Variants in RGS3 observed in about 807,000 individuals in gnomAD.
RGS3 encodes the protein regulator of G-protein signalling 3.
Under a neutral mutation model 132.6 loss-of-function variants are expected in RGS3, and 80 were observed. The observed-to-expected ratio is 0.60, with a 90% CI of 0.50 to 0.73. The LOEUF (loss-of-function observed/expected upper bound fraction) is 0.73, where lower values mean the gene tolerates loss of function less well. Ranked by LOEUF, RGS3 falls within the 30% of genes least tolerant of loss-of-function variation. The probability of loss-of-function intolerance (pLI) is 0.00; values close to 1 mark genes in which losing one functional copy is unlikely to be tolerated. For synonymous variants in RGS3, 598 were observed against 620.6 expected (o/e 0.96, Z 0.54); for missense variants, 1,382 against 1,530.8 (o/e 0.90, Z 1.62).
chr9:113,477,439 G>A (rs531818318), intron 3 of RGS3, among the ~76,000 whole-genome samples: 1 of 152,326 alleles, frequency 6.6e-6, no homozygotes, highest in East Asian at 1.9e-4. Flanking sequence ...TGAGGGTCAA[G>A]TGATGTCTGG....
At chr9:113,578,115 T>C (rs939599954) in intron 19 of RGS3, among the ~76,000 whole-genome samples, 1 of 150,792 alleles carries the variant, frequency 6.6e-6, no homozygotes, top group Non-Finnish European at 1.5e-5. Flanking sequence ...GCCTGGGGAG[T>C]GGGTGGGTTC....
In RGS3 at chr9:113,523,708, G is replaced by A. The variant is rs79304198; in HGVS notation, c.1870+667G>A. 7.2e-5 allele frequency among the ~76,000 whole-genome samples: 11 copies of A among 152,286 alleles called. No homozygotes were observed. In the East Asian group the frequency reaches 7.7e-4, roughly 11 times the overall value. The stretch of plus-strand genomic sequence containing the variant: ...GTATCTGTCAGTGGTTTGGTTTGGC[G>A]CCTGAGGTCTCTGCTGAGAGGGGCT... On this transcript the variant is annotated intron_variant, in intron 17 of 24. Coordinates refer to ENST00000350696, the Ensembl canonical transcript of RGS3.
exon 20 of RGS3, chr9:113,584,220 G>A (rs755732596): frequency 9.3e-6 from 15 of 1,613,632 alleles, no homozygotes; most frequent in East Asian, 4.5e-5. Context: ...TGCAGAACTC[G>A]CTGCGGCGCC....
intron 19 of RGS3, among the ~76,000 whole-genome samples, chr9:113,576,722 G>C (rs374894927): frequency 2.0e-5 from 3 of 152,196 alleles, no homozygotes; most frequent in East Asian, 3.9e-4. Flanking sequence ...GGTCTTCCAG[G>C]GCTACAGAAT....
chr9:113,501,552 G>A (rs771225220), intron 10 of RGS3: 12 of 1,540,600 alleles, frequency 7.8e-6, no homozygotes, highest in Admixed American at 3.9e-5. Context: ...TTCATGGGGC[G>A]GCAGCCGAGG....
At chr9:113,592,730 T>A (rs1267335807) in intron 21 of RGS3, 1 of 152,114 alleles carries the variant, frequency 6.6e-6, no homozygotes, top group African/African-American at 2.4e-5. Flanking sequence ...TCAAGTGATC[T>A]TCCCGCCTCG....
intron 20 of RGS3, among the ~76,000 whole-genome samples, chr9:113,588,168 A>T (rs1006604503): frequency 6.6e-6 from 1 of 152,182 alleles, no homozygotes; most frequent in African/African-American, 2.4e-5. Flanking sequence ...TGGTCCACAG[A>T]GGGTGCCAGC....
chr9:113,479,429 G>T (rs1381426781), intron 3 of RGS3, 62 bp from the exon 2 acceptor site: 1 of 1,527,628 alleles, frequency 6.5e-7, no homozygotes, highest in Admixed American at 1.7e-5. Context: ...CTTTCCTCTA[G>T]TTTTTTCCAC....
chr9:113,467,757 G>A (rs549939059), intron 3 of RGS3, among the ~76,000 whole-genome samples: 15 of 152,174 alleles, frequency 9.9e-5, no homozygotes, highest in Non-Finnish European at 2.1e-4. Flanking sequence ...CCAGGCTGGA[G>A]TTCAGTGGCA....
At chr9:113,478,279 C>T (rs1037013289) in intron 3 of RGS3, among the ~76,000 whole-genome samples, 4 of 152,058 alleles carry the variant, frequency 2.6e-5, no homozygotes, top group African/African-American at 7.2e-5. Context: ...TTTCCTTCTT[C>T]CTTTGTTTCC....
chr9:113,499,463 G>A (rs2119288227), intron 10 of RGS3, among the ~76,000 whole-genome samples: 1 of 152,312 alleles, frequency 6.6e-6, no homozygotes, highest in South Asian at 2.1e-4. Flanking sequence ...GTGTGCTGTG[G>A]CACACTGCCT....
At position 113,565,181 on chromosome 9, in the gene RGS3, G is replaced by A. The variant is rs1301176830; in HGVS notation, c.2038-18269G>A. On this transcript the variant is annotated intron_variant, in intron 19 of 24. Transcript: ENST00000350696. This position sits in a 1 kb window ranked among gnomAD's most constrained non-coding sequence, Gnocchi z 5.7. ...GCCTATGCGTGTGAGCATGTAACCC[G>A]GGAGCCAGCTGGGCCCCTCGCGGGG... 77 of 1,230,974 alleles carry A rather than the reference G, an allele frequency of 6.3e-5. No individual in the cohort carries two copies. Among genetic ancestry groups the A allele is most frequent in the Admixed American group, 1.1e-4 (4 of 36,152 alleles). The allele number at this position is 1,230,974 out of a possible 1,614,324, so 76.3% of individuals were successfully genotyped here.
intron 19 of RGS3, among the ~76,000 whole-genome samples, chr9:113,550,754 G>A (rs1320309992): frequency 1.3e-5 from 2 of 152,052 alleles, no homozygotes; most frequent in African/African-American, 2.4e-5. Context: ...TATGCCTTCT[G>A]GTCACTTGTG....
chr9:113,596,823 C>T (rs769779613), exon 25 of RGS3: 28 of 1,613,582 alleles, frequency 1.7e-5, no homozygotes, highest in South Asian at 2.2e-5. Flanking sequence ...CAGAGCGTCA[C>T]GCGGGGCTGC....
At chr9:113,559,905 C>T (rs1214914072) in intron 19 of RGS3, among the ~76,000 whole-genome samples, 5 of 152,206 alleles carry the variant, frequency 3.3e-5, no homozygotes, top group Non-Finnish European at 5.9e-5. Context: ...ATGATAGCAA[C>T]AATGACATCA....
Position 113,565,256 on chromosome 9 carries a change from G to C in RGS3, c.2038-18194G>C, listed in dbSNP as rs1164765347. The C allele has an allele frequency of 7.8e-7, 1 of 1,288,772 alleles. No homozygotes were observed. Among genetic ancestry groups the C allele is most frequent in the African/African-American group, 1.5e-5 (1 of 65,840 alleles). 79.8% of individuals were successfully genotyped at this position (1,288,772 alleles called of 1,614,324 possible). On this transcript the variant is annotated intron_variant, in intron 19 of 24. Transcript: ENST00000350696. The surrounding 1 kb of genome is among the most constrained non-coding windows in gnomAD (Gnocchi z 5.7). ...GGACCCTCTTCTTTGAGACATCCCG[G>C]ACTCCATCTCGGATGAAAGTGCTTT...
At chr9:113,541,938 G>GA (rs1182739596) in intron 19 of RGS3, 1 of 889,080 alleles carries the variant, frequency 1.1e-6, no homozygotes, top group East Asian at 1.2e-4. Context: ...ATACTGTGGA[G>GA]AAAAAGTCGG....
intron 19 of RGS3, among the ~76,000 whole-genome samples, chr9:113,575,468 GT>G (rs1375572162): frequency 6.6e-6 from 1 of 152,132 alleles, no homozygotes; most frequent in Non-Finnish European, 1.5e-5. Context: ...TGGGGCCTCT[GT>G]TTAGGGAACG....
At chr9:113,461,017 T>TTA (rs1354151443) in intron 1 of RGS3, among the ~76,000 whole-genome samples, 2 of 152,188 alleles carry the variant, frequency 1.3e-5, no homozygotes. Context: ...TGATGTGTGC[T>TTA]TATATATATG....
Sources: gnomAD v4.1 joint callset for allele counts (sites outside exome capture counted in the v4.1 genomes callset) on GRCh38, gnomAD v4.1.1 for gene constraint, Gnocchi (gnomAD v3.1) non-coding constraint, MANE v1.5 for transcripts, NCBI Gene and HGNC (gene_info 2026-07-23, HGNC 2026-07-21) for gene names.